The following MYCBP2 variants were observed in gnomAD, a reference collection of about 807,000 sequenced individuals.
The protein encoded by MYCBP2 is MYC binding protein 2, also known as E3 ubiquitin-protein ligase MYCBP2.
Under a neutral mutation model 525.3 loss-of-function variants are expected in MYCBP2, and 120 were observed. That is an observed-to-expected ratio of 0.23 (90% CI 0.20 to 0.27). MYCBP2 has a LOEUF of 0.27. Ranked by LOEUF, MYCBP2 falls within the 10% of genes least tolerant of loss-of-function variation. The pLI, the probability that MYCBP2 is intolerant of heterozygous loss-of-function variation, is 1.00. For synonymous variants in MYCBP2, 1,894 were observed against 1,955.8 expected, an observed-to-expected ratio of 0.97 and a Z score of 0.83; for missense variants, 4,149 against 5,657.1, an observed-to-expected ratio of 0.73 and a Z score of 8.55.
chr13:77,210,472 G>A (rs956463779), intron 23 of MYCBP2, among the ~76,000 whole-genome samples: 1 of 152,114 alleles, frequency 6.6e-6, no homozygotes, highest in African/African-American at 2.4e-5. Context: ...GATTACAGGC[G>A]TGAGCCACCG....
At chr13:77,083,232 T>G (rs1240349248) in intron 62 of MYCBP2, 40 bp from the exon 63 acceptor site, 1 of 1,576,270 alleles carries the variant, frequency 6.3e-7, no homozygotes, top group Admixed American at 1.8e-5. Flanking sequence ...GTTTGTGTGC[T>G]GGAAGGAATC....
chr13:77,193,464 T>C (rs2061479167), intron 27 of MYCBP2, among the ~76,000 whole-genome samples: 2 of 152,126 alleles, frequency 1.3e-5, no homozygotes, highest in African/African-American at 4.8e-5. Context: ...ATAGTTATTG[T>C]TGGGAAACAT....
At chr13:77,172,720 T>C (rs921338326) in intron 37 of MYCBP2, among the ~76,000 whole-genome samples, 3 of 152,180 alleles carry the variant, frequency 2.0e-5, no homozygotes, top group South Asian at 2.1e-4. Context: ...CTCCAAGGTG[T>C]CTGGCTGTAA....
At chr13:77,204,847 A>G (rs2154274858) in intron 26 of MYCBP2, among the ~76,000 whole-genome samples, 1 of 132,742 alleles carries the variant, frequency 7.5e-6, no homozygotes, top group Admixed American at 8.2e-5. Flanking sequence ...GAATTGAACA[A>G]TGAGAACACA....
rs1440270137 is a variant in MYCBP2, at chr13:77,262,094, C to A, written c.1606G>T (p.Ala536Ser). The change falls in exon 11 of 83, where the codon GCA becomes TCA. Residue 536 changes from alanine (A) to serine (S), a missense_variant. This residue lies in a region of MYCBP2 where 262 missense variants were observed against 419.3 expected (regional missense o/e 0.62). Transcript: ENST00000544440. ...TTCATTAGCGCAAACTCTCGTCCTG[C>A]ACCAAGAATTGCTGACTCCTCATCA... ...GFDEESAILG[A>S]GREFALMKTA... 4.3e-6 allele frequency: 7 copies of A among 1,611,704 alleles called. No individual in the cohort carries two copies. Among genetic ancestry groups the A allele is most frequent in the Non-Finnish European group, 5.9e-6 (7 of 1,178,584 alleles).
chr13:77,224,001 C>G (rs1343490691), intron 20 of MYCBP2, among the ~76,000 whole-genome samples: 1 of 152,140 alleles, frequency 6.6e-6, no homozygotes, highest in Non-Finnish European at 1.5e-5. Context: ...TCAGAGAGAC[C>G]AATAGGTTCT....
chr13:77,266,667 T>C (rs1161488268), intron 8 of MYCBP2, among the ~76,000 whole-genome samples: 1 of 150,720 alleles, frequency 6.6e-6, no homozygotes, highest in Admixed American at 6.6e-5. Context: ...AGTGTGCATG[T>C]TATTAAAAGT....
chr13:77,169,625 C>A lies in MYCBP2; in HGVS notation c.5884G>T (p.Ala1962Ser), dbSNP rs1214804144. Residue 1962 changes from alanine to serine, a missense_variant, in exon 39 of 83, where the codon GCT becomes TCT. Around this residue, in one of 21 missense-constraint regions of MYCBP2, gnomAD observed 692 missense variants for 852.7 expected, o/e 0.81. Coordinates refer to ENST00000544440, the MANE Select transcript of MYCBP2 (RefSeq NM_015057.5). ...IIAYIGPVAA[A>S]IPKVAVEVFG... is the part of the protein sequence containing the mutation. Reference sequence around the variant, plus strand: ...ATTAAATTACACACCTTGGGAATAGCAGCAGCTACTGGTCCTATGTAGGCT... The same window carrying A: ...ATTAAATTACACACCTTGGGAATAGAAGCAGCTACTGGTCCTATGTAGGCT... The A allele has an allele frequency of 6.2e-7, 1 of 1,611,794 alleles. No homozygotes were observed. The highest frequency in any genetic ancestry group is 8.5e-7 in the Non-Finnish European group (1 of 1,178,240).
At chr13:77,074,165 A>C (rs939931387) in intron 68 of MYCBP2, among the ~76,000 whole-genome samples, 1 of 152,268 alleles carries the variant, frequency 6.6e-6, no homozygotes, top group Middle Eastern at 3.4e-3. Context: ...ACTTTGATGG[A>C]TCAATGGAGC....
At chr13:77,148,987 T>C (rs1409598897) in intron 47 of MYCBP2, among the ~76,000 whole-genome samples, 2 of 152,112 alleles carry the variant, frequency 1.3e-5, no homozygotes, top group African/African-American at 4.8e-5. Flanking sequence ...ACTTGAGCTC[T>C]AGATTCTATT....
intron 1 of MYCBP2, among the ~76,000 whole-genome samples, chr13:77,321,929 G>A (rs2154383101): frequency 6.6e-6 from 1 of 152,294 alleles, no homozygotes; most frequent in African/African-American, 2.4e-5. Context: ...GGGAGGTGGA[G>A]GTGGGAGGAT....
chr13:77,184,803 C>T (rs2060571107), intron 32 of MYCBP2, among the ~76,000 whole-genome samples: 1 of 152,178 alleles, frequency 6.6e-6, no homozygotes, highest in Non-Finnish European at 1.5e-5. Context: ...CCTCCTGGTG[C>T]TATCCCTGCT....
intron 1 of MYCBP2, among the ~76,000 whole-genome samples, chr13:77,323,647 A>G (rs1374036370): frequency 6.6e-6 from 1 of 152,240 alleles, no homozygotes; most frequent in African/African-American, 2.4e-5. Flanking sequence ...TGGATTTTCC[A>G]AGACGGCAGA....
chr13:77,171,084 A>G (rs2059098584), intron 38 of MYCBP2, among the ~76,000 whole-genome samples: 1 of 152,220 alleles, frequency 6.6e-6, no homozygotes, highest in Non-Finnish European at 1.5e-5. Flanking sequence ...TCCAATGGAA[A>G]AACTCATAGA....
chr13:77,125,237 C>A, intron 54 of MYCBP2, 99 bp downstream of exon 54: 1 of 1,427,084 alleles, frequency 7.0e-7, no homozygotes, highest in Non-Finnish European at 9.4e-7. Flanking sequence ...AAAAAGCAAA[C>A]ACACAAAAAA....
chr13:77,196,265 G>A (rs1037248977), intron 26 of MYCBP2, among the ~76,000 whole-genome samples: 14 of 152,204 alleles, frequency 9.2e-5, no homozygotes, highest in African/African-American at 3.1e-4. Flanking sequence ...TAGAACAAAA[G>A]GTCAGAGAGG....
Position 77,225,461 on chromosome 13 carries a change from T to C in MYCBP2, c.2831A>G (p.Gln944Arg). 6.2e-7 allele frequency: 1 copy of C among 1,613,738 alleles called. No individual in the cohort carries two copies. Among genetic ancestry groups the C allele is most frequent in the Non-Finnish European group, 8.5e-7 (1 of 1,179,762 alleles). The part of the protein sequence containing the change: ...VRFDCELRAV[Q>R]VSCGFHHSVV... ...TGAATGGTGAAATCCACAGCTGACT[T>C]GGACTGCCCGGAGCTCACAGTCAAA... is the stretch of plus-strand genomic sequence containing the variant. The change falls in exon 19 of 83, where the codon CAA becomes CGA. Residue 944 changes from glutamine (Q) to arginine (R), a missense_variant. By Grantham distance (43) the Gln-to-Arg change is conservative. Transcript: ENST00000544440.
chr13:77,326,712 A>G lies in MYCBP2; in HGVS notation c.64T>C (p.Phe22Leu). ...GAAGAGAAGGTGGCGGCTGGGTAGA[A>G]TCCGTCCCCGCCGAGCCCCGAGGAG... is the stretch of plus-strand genomic sequence containing the variant. Reference protein sequence around the residue: ...AASSGLGGDGFYPAATFSSSP... With the variant: ...AASSGLGGDGLYPAATFSSSP... Residue 22 changes from phenylalanine (F) to leucine (L), a missense_variant, in exon 1 of 83, where the codon TTC (phenylalanine) becomes CTC (leucine). Phe to Leu is a conservative substitution (Grantham distance 22, BLOSUM62 0). Around this residue, in one of 21 missense-constraint regions of MYCBP2, gnomAD observed 413 missense variants for 451.2 expected, o/e 0.92. Coordinates refer to ENST00000544440, the MANE Select transcript of MYCBP2 (RefSeq NM_015057.5). This position sits in a 1 kb window ranked among gnomAD's most constrained non-coding sequence, Gnocchi z 4.2. 1 of 1,422,216 alleles carries G rather than the reference A, an allele frequency of 7.0e-7. No individual in the cohort carries two copies. The highest frequency in any genetic ancestry group is 9.1e-7 in the Non-Finnish European group (1 of 1,099,634). 88.1% of individuals were successfully genotyped at this position (1,422,216 alleles called of 1,614,324 possible).
At chr13:77,264,119 G>A (rs1323002377) in intron 8 of MYCBP2, 117 bp from the exon 9 acceptor site, 2 of 635,678 alleles carry the variant, frequency 3.1e-6, no homozygotes, top group Admixed American at 3.3e-5. Flanking sequence ...AAACTCAAAA[G>A]GAGACTGTGC....
Sources: gnomAD v4.1 joint callset for allele counts (sites outside exome capture counted in the v4.1 genomes callset) on GRCh38, gnomAD v4.1.1 for gene constraint, gnomAD v4.1.1 regional missense constraint, Gnocchi (gnomAD v3.1) non-coding constraint, MANE v1.5 for transcripts, NCBI Gene and HGNC (gene_info 2026-07-23, HGNC 2026-07-21) for gene names.